Variants in STX1A observed in about 807,000 individuals in gnomAD.
The protein encoded by STX1A is syntaxin-1A.
A neutral mutation model predicts 37.8 loss-of-function variants in STX1A; 4 were observed. The ratio of observed to expected loss-of-function variants is 0.11; its 90% CI spans 0.05 to 0.24. The LOEUF (loss-of-function observed/expected upper bound fraction) is 0.24. Among genes scored for constraint, STX1A ranks in the 10% least tolerant of loss-of-function variants. The probability of loss-of-function intolerance (pLI) is 1.00; values close to 1 mark genes in which losing one functional copy is unlikely to be tolerated. For synonymous variants in STX1A, 135 were observed against 147.4 expected, an observed-to-expected ratio of 0.92 and a Z score of 0.61; for missense variants, 251 against 399.9, an observed-to-expected ratio of 0.63 and a Z score of 3.18.
chr7:73,707,053 G>T (rs1195903007), intron 3 of STX1A, among the ~76,000 whole-genome samples: 1 of 152,176 alleles, frequency 6.6e-6, no homozygotes, highest in Non-Finnish European at 1.5e-5. Flanking sequence ...ATGCCAGTGG[G>T]CTTGGGGGTG....
Position 73,705,249 on chromosome 7 carries a change from T to C in STX1A, c.209-25A>G. On this transcript the variant is annotated intron_variant, in intron 3 of 9. Coordinates refer to ENST00000222812, the MANE Select transcript of STX1A (RefSeq NM_004603.4). The surrounding 1 kb of genome is among the most constrained non-coding windows in gnomAD (Gnocchi z 5.2). ...TCTGGGGAGGTAGAAAGGGTGGGGG[T>C]AGGCCTCCTAGGCTCCGCGGGGACT... The C allele has an allele frequency of 6.3e-7, 1 of 1,594,384 alleles. No individual in the cohort carries two copies. The highest frequency in any genetic ancestry group is 8.6e-7 in the Non-Finnish European group (1 of 1,162,612).
Position 73,700,737 on chromosome 7 carries a change from G to A in STX1A, c.782C>T (p.Ala261Val). The change falls in exon 9 of 10, where the codon GCG becomes GTG. Residue 261 changes from alanine (A) to valine (V), a missense_variant. Ala to Val is a moderately conservative substitution (Grantham distance 64, BLOSUM62 0). Transcript: ENST00000222812. This position sits in a 1 kb window ranked among gnomAD's most constrained non-coding sequence, Gnocchi z 4.4. ...TKKAVKYQSK[A>V]RRKKIMIIIC... ...CAGGGCTGGGCTACTGACCCGGCGC[G>A]CCTTGCTCTGGTACTTGACGGCCTT... 6.2e-7 allele frequency: 1 copy of A among 1,613,660 alleles called. No individual in the cohort carries two copies.
rs1163908766 is a variant in STX1A at position 73,705,064 on chromosome 7, C to G, written c.283+86G>C. ...AAGGAAAGCAAGATCCGGCGCACCCCCTCAGGGCGAGCAAAACCCCATGGG... is the reference window on the plus strand; with the variant it reads ...AAGGAAAGCAAGATCCGGCGCACCCGCTCAGGGCGAGCAAAACCCCATGGG... On this transcript the variant is annotated intron_variant, in intron 4 of 9. Transcript: ENST00000222812. The surrounding 1 kb of genome is among the most constrained non-coding windows in gnomAD (Gnocchi z 5.2). 2 of 1,326,512 alleles carry G rather than the reference C, an allele frequency of 1.5e-6. No homozygotes were observed. Among genetic ancestry groups the G allele is most frequent in the Non-Finnish European group, 2.2e-6 (2 of 919,770 alleles). The allele number at this position is 1,326,512 out of a possible 1,614,324, so 82.2% of individuals were successfully genotyped here. A position where few individuals can be genotyped will look rare whatever the true frequency, so the allele number is the denominator to read the frequency against.
At chr7:73,703,430 T>C (rs1554616224) in intron 7 of STX1A, 7 of 605,954 alleles carry the variant, frequency 1.2e-5, no homozygotes, top group South Asian at 1.1e-4. Flanking sequence ...GGAGCACCCC[T>C]GCCCGGCTTC....
intron 1 of STX1A, among the ~76,000 whole-genome samples, chr7:73,710,360 G>A (rs1400117393): frequency 6.6e-6 from 1 of 152,248 alleles, no homozygotes; most frequent in Non-Finnish European, 1.5e-5. Context: ...TATCCGGGGT[G>A]GCCACCCTGG....
At chr7:73,716,332 C>A (rs1041964197) in intron 1 of STX1A, among the ~76,000 whole-genome samples, 5 of 152,230 alleles carry the variant, frequency 3.3e-5, no homozygotes, top group African/African-American at 1.2e-4. Flanking sequence ...TGAACCTGCC[C>A]GGTGTTGCCA....
intron 1 of STX1A, among the ~76,000 whole-genome samples, chr7:73,718,746 G>A (rs1178577200): frequency 6.6e-6 from 1 of 152,070 alleles, no homozygotes; most frequent in Non-Finnish European, 1.5e-5. Flanking sequence ...GGCTGCAGGG[G>A]TCTCTGGGCT....
At position 73,705,565 on chromosome 7, in the gene STX1A, C is replaced by G. The variant is rs1233666598; in HGVS notation, c.209-341G>C. The G allele has an allele frequency of 9.9e-6, 3 of 302,282 alleles. No individual in the cohort carries two copies. The East Asian group carries it at 2.5e-4, about 26-fold the overall frequency. The allele number at this position is 302,282 out of a possible 1,614,324, so 18.7% of individuals were successfully genotyped here. A position where few individuals can be genotyped will look rare whatever the true frequency, so the allele number is the denominator to read the frequency against. ...CTGGAGTTGGCGCCGGGAACAGTGA[C>G]TTGATGCTTGCTGGAGTTGAAGGGG... On this transcript the variant is annotated intron_variant, in intron 3 of 9. Transcript: ENST00000222812. The surrounding 1 kb of genome is among the most constrained non-coding windows in gnomAD (Gnocchi z 5.2).
At chr7:73,713,782 C>G (rs1294117519) in intron 1 of STX1A, among the ~76,000 whole-genome samples, 1 of 152,204 alleles carries the variant, frequency 6.6e-6, no homozygotes, top group Non-Finnish European at 1.5e-5. Context: ...GGGCCCAGCT[C>G]CCTTGGGGAT....
chr7:73,708,653 T>C lies in STX1A; in HGVS notation c.144A>G (p.Ala48=). Residue 48 remains alanine (A), a synonymous_variant, in exon 3 of 10, where the codon GCA becomes GCG. Coordinates refer to ENST00000222812, the MANE Select transcript of STX1A (RefSeq NM_004603.4). ...TCCGCTTCACCTCCTCCACGTTCTC[T>C]GCGATCTTGTCAATGAAGCCTCGAA... ...EEIRGFIDKI[A]ENVEEVKRKH... is the part of the protein sequence containing the mutation. 1 of 1,614,162 alleles carries C rather than the reference T, an allele frequency of 6.2e-7. No homozygotes were observed.
At chr7:73,708,895 C>G in intron 2 of STX1A, 150 bp downstream of exon 2, 3 of 962,498 alleles carry the variant, frequency 3.1e-6, no homozygotes, top group South Asian at 1.4e-5. Context: ...GAGCTTCCAT[C>G]TATTCACCCT....
chr7:73,705,057 C>A lies in STX1A; in HGVS notation c.283+93G>T. On this transcript the variant is annotated intron_variant, in intron 4 of 9. Coordinates refer to ENST00000222812, the MANE Select transcript of STX1A (RefSeq NM_004603.4). The surrounding 1 kb of genome is among the most constrained non-coding windows in gnomAD (Gnocchi z 5.2). ...CCTCAGAAAGGAAAGCAAGATCCGG[C>A]GCACCCCCTCAGGGCGAGCAAAACC... The A allele has an allele frequency of 8.2e-7, 1 of 1,214,776 alleles. No homozygotes were observed. Among genetic ancestry groups the A allele is most frequent in the South Asian group, 1.2e-5 (1 of 82,060 alleles). 75.2% of individuals were successfully genotyped at this position (1,214,776 alleles called of 1,614,324 possible).
chr7:73,710,445 TGAGA>T (rs1338797200), intron 1 of STX1A, among the ~76,000 whole-genome samples: 2 of 152,168 alleles, frequency 1.3e-5, no homozygotes, highest in Non-Finnish European at 2.9e-5. Context: ...TTTTATTTTT[TGAGA>T]GAGTCTCGCA....
rs1554615994 is a variant in STX1A, at chr7:73,702,207, T to C, written c.678+638A>G. Among the ~76,000 whole-genome samples, 1 of 152,172 alleles carries C rather than the reference T, an allele frequency of 6.6e-6. No homozygotes were observed. The highest frequency in any genetic ancestry group is 1.5e-5 in the Non-Finnish European group (1 of 68,028). On this transcript the variant is annotated intron_variant, in intron 8 of 9. Transcript: ENST00000222812. The surrounding 1 kb of genome is among the most constrained non-coding windows in gnomAD (Gnocchi z 4.7). ...CCCCCTTTTTTGGCATCAGCTCAAATGTCCCCTCCTGAGAGGCCTTCCTTG... is the reference window on the plus strand; with the variant it reads ...CCCCCTTTTTTGGCATCAGCTCAAACGTCCCCTCCTGAGAGGCCTTCCTTG...
chr7:73,717,268 C>T lies in STX1A; in HGVS notation c.30+2334G>A, dbSNP rs1799320125. Among the ~76,000 whole-genome samples, 1 of 152,138 alleles carries T rather than the reference C, an allele frequency of 6.6e-6. No homozygotes were observed. Among genetic ancestry groups the T allele is most frequent in the Non-Finnish European group, 1.5e-5 (1 of 68,000 alleles). ...GGTGCACAGCCGCTGTCCCCAGCAC[C>T]ATCTCTGTTCAGCCCAGCCCAGCCC... On this transcript the variant is annotated intron_variant, in intron 1 of 9. Transcript: ENST00000222812. This position sits in a 1 kb window ranked among gnomAD's most constrained non-coding sequence, Gnocchi z 4.1.
In STX1A at chr7:73,700,885, G is replaced by A. The variant is rs1381098175; in HGVS notation, c.679-45C>T. ...CGAGCTCCAGAGGGCCCCCTCCTCA[G>A]GGTTGGGTTGGGGCTCGGGGCAGGA... On this transcript the variant is annotated intron_variant, in intron 8 of 9. Transcript: ENST00000222812. This position sits in a 1 kb window ranked among gnomAD's most constrained non-coding sequence, Gnocchi z 4.4. 6.2e-7 allele frequency: 1 copy of A among 1,607,964 alleles called. No individual in the cohort carries two copies. The highest frequency in any genetic ancestry group is 2.2e-5 in the East Asian group (1 of 44,848).
chr7:73,703,905 G>T, intron 6 of STX1A, 77 bp from the exon 7 acceptor site: 1 of 1,471,872 alleles, frequency 6.8e-7, no homozygotes, highest in East Asian at 2.4e-5. Context: ...CGCCCCCTCC[G>T]TCCCAGGCCC....
Position 73,705,648 on chromosome 7 carries a change from C to T in STX1A, c.209-424G>A, listed in dbSNP as rs1049649143. The T allele has an allele frequency of 1.5e-5, 3 of 205,926 alleles. No individual in the cohort carries two copies. In the East Asian group the frequency reaches 4.3e-4, roughly 29 times the overall value. The allele number at this position is 205,926 out of a possible 1,614,324, so 12.8% of individuals were successfully genotyped here. ...CTGGTGGCTCAGGAGGGTACGCAGCCAGGCAGGGGGTTGACAGGGGACCAC... is the reference window on the plus strand; with the variant it reads ...CTGGTGGCTCAGGAGGGTACGCAGCTAGGCAGGGGGTTGACAGGGGACCAC... On this transcript the variant is annotated intron_variant, in intron 3 of 9. Coordinates refer to ENST00000222812, the MANE Select transcript of STX1A (RefSeq NM_004603.4). The surrounding 1 kb of genome is among the most constrained non-coding windows in gnomAD (Gnocchi z 5.2).
In STX1A at chr7:73,709,152, C is replaced by T. The variant is rs782045970; in HGVS notation, c.31-30G>A. ...GCGGGGTTGTGCACACATAAGTGGA[C>T]GTATGTACAGGACCCACCTGTACAC... On this transcript the variant is annotated intron_variant, in intron 1 of 9. Coordinates refer to ENST00000222812, the MANE Select transcript of STX1A (RefSeq NM_004603.4). The surrounding 1 kb of genome is among the most constrained non-coding windows in gnomAD (Gnocchi z 4.2). 5.0e-6 allele frequency: 8 copies of T among 1,607,538 alleles called. No individual in the cohort carries two copies. The highest frequency in any genetic ancestry group is 3.3e-5 in the South Asian group (3 of 91,032).
Sources: gnomAD v4.1 joint callset for allele counts (sites outside exome capture counted in the v4.1 genomes callset) on GRCh38, gnomAD v4.1.1 for gene constraint, Gnocchi (gnomAD v3.1) non-coding constraint, MANE v1.5 for transcripts, NCBI Gene and HGNC (gene_info 2026-07-23, HGNC 2026-07-21) for gene names.